The following PTGR2 variants were observed in gnomAD, a reference collection of about 807,000 sequenced individuals.
The protein encoded by PTGR2 is prostaglandin reductase 2, also known as 15-oxoprostaglandin 13-reductase.
PTGR2 carries 32 observed loss-of-function variants against 43.4 expected under a neutral mutation model. The observed-to-expected ratio is 0.74, with a 90% confidence interval of 0.56 to 0.99. The LOEUF (loss-of-function observed/expected upper bound fraction) is 0.99, where lower values mean the gene tolerates loss of function less well. Ranked by LOEUF, PTGR2 falls within the 50% of genes least tolerant of loss-of-function variation. The pLI, the probability that PTGR2 is intolerant of heterozygous loss-of-function variation, is 0.00. For synonymous variants in PTGR2, 106 were observed against 139.2 expected (o/e 0.76, Z 1.68); for missense variants, 373 against 420.0 (o/e 0.89, Z 0.98).
chr14:73,882,775 C>G (rs2055021630), intron 9 of PTGR2, among the ~76,000 whole-genome samples: 1 of 129,838 alleles, frequency 7.7e-6, no homozygotes, highest in Non-Finnish European at 1.6e-5. Flanking sequence ...GCTGGGATTA[C>G]AAGCGTGAGC....
chr14:73,853,528 G>C (rs1476991439), intron 1 of PTGR2, among the ~76,000 whole-genome samples: 5 of 152,004 alleles, frequency 3.3e-5, no homozygotes, highest in African/African-American at 7.2e-5. Flanking sequence ...TCGCCGTTTT[G>C]TCGGAGCTGG....
At chr14:73,854,135 T>C (rs36020663) in intron 1 of PTGR2, among the ~76,000 whole-genome samples, 17,193 of 152,156 alleles carry the variant, frequency 0.11, 1,277 homozygotes, top group Admixed American at 0.19. Context: ...AAAGTTTCGC[T>C]CTTGTCCCCC....
intron 4 of PTGR2, among the ~76,000 whole-genome samples, chr14:73,875,437 C>T (rs970492207): frequency 2.0e-4 from 30 of 152,132 alleles, no homozygotes; most frequent in Non-Finnish European, 1.2e-4. Flanking sequence ...CCTCTGCCAC[C>T]TGGGTTCAAG....
chr14:73,874,840 G>A (rs2054819205), intron 4 of PTGR2, among the ~76,000 whole-genome samples: 1 of 152,148 alleles, frequency 6.6e-6, no homozygotes, highest in Non-Finnish European at 1.5e-5. Context: ...GCTGCCAAAA[G>A]AATAGGTAAT....
At chr14:73,877,570 T>G (rs920876588) in intron 5 of PTGR2, 2 of 153,792 alleles carry the variant, frequency 1.3e-5, no homozygotes, top group African/African-American at 4.8e-5. Flanking sequence ...CAGCCAAAAT[T>G]GACTAAATTT....
chr14:73,872,500 T>C (rs2054759893), intron 3 of PTGR2, among the ~76,000 whole-genome samples: 1 of 152,238 alleles, frequency 6.6e-6, no homozygotes. Flanking sequence ...TATTTTTTGC[T>C]GGTATAACGT....
chr14:73,871,341 C>CTTTTTTTTTTTTTTTTTTTTTTT (rs869073652), intron 3 of PTGR2, among the ~76,000 whole-genome samples: 24 of 67,858 alleles, frequency 3.5e-4, no homozygotes, highest in African/African-American at 5.4e-4. Context: ...GGCTGTTCAT[C>CTTTTTTTTTTTTTTTTTTTTTTT]TTTTTTTTTT....
intron 5 of PTGR2, 133 bp from the exon 6 acceptor site, chr14:73,878,963 C>A: frequency 1.5e-6 from 1 of 684,740 alleles, no homozygotes; most frequent in Non-Finnish European, 2.4e-6. Context: ...AATTACTTTT[C>A]ATTAAAAGCA....
intron 1 of PTGR2, among the ~76,000 whole-genome samples, chr14:73,852,542 C>G (rs554025628): frequency 6.6e-6 from 1 of 152,286 alleles, no homozygotes; most frequent in South Asian, 2.1e-4. Flanking sequence ...TGAGCCATCG[C>G]GCCCGGCCTG....
rs747345892 is a variant in PTGR2 at position 73,878,887 on chromosome 14, C to T, written c.520-209C>T. 8.7e-4 allele frequency: 466 copies of T among 535,578 alleles called. 3 individuals are homozygous for T. Among genetic ancestry groups the T allele is most frequent in the Middle Eastern group, 3.5e-3 (7 of 2,004 alleles). The allele number at this position is 535,578 out of a possible 1,614,324, so 33.2% of individuals were successfully genotyped here. A position where few individuals can be genotyped will look rare whatever the true frequency, so the allele number is the denominator to read the frequency against. On this transcript the variant is annotated intron_variant, in intron 5 of 9. Transcript: ENST00000555661. ...TCATAAGTTGAGGAACATAAGTCTA[C>T]CTTTGTTCAATTTTAATAATTTTTT...
chr14:73,853,947 A>G (rs2054286948), intron 1 of PTGR2, among the ~76,000 whole-genome samples: 2 of 152,172 alleles, frequency 1.3e-5, no homozygotes, highest in Non-Finnish European at 2.9e-5. Flanking sequence ...AAGTAGGAAT[A>G]GTATCCCAGG....
intron 9 of PTGR2, among the ~76,000 whole-genome samples, chr14:73,883,188 CTT>C (rs58234739): frequency 0.035 from 1,993 of 57,270 alleles, 20 homozygotes; most frequent in Admixed American, 0.045. Context: ...CCTCACCTCC[CTT>C]TTTTTTTTTT....
At chr14:73,879,340 T>C in intron 6 of PTGR2, 35 bp downstream of exon 6, 1 of 1,568,614 alleles carries the variant, frequency 6.4e-7, no homozygotes, top group East Asian at 2.2e-5. Context: ...ATTTGAATAC[T>C]GCACTTTATA....
At chr14:73,855,479 C>T (rs1356648022) in intron 1 of PTGR2, among the ~76,000 whole-genome samples, 2 of 152,154 alleles carry the variant, frequency 1.3e-5, no homozygotes, top group East Asian at 2.0e-4. Flanking sequence ...CAGGGTCTCA[C>T]TCTGTCACCC....
rs1440907933 is a variant in PTGR2, at chr14:73,877,091, G to A, written c.442G>A (p.Gly148Ser). The part of the protein sequence containing the change: ...LTSLIGIQEK[G>S]HITAGSNKTM... Reference sequence around the variant, plus strand: ...TTCCTTGATTGGGATACAGGAAAAAGGTCATATAACTGCTGGATCTAATAA... The same window carrying A: ...TTCCTTGATTGGGATACAGGAAAAAAGTCATATAACTGCTGGATCTAATAA... Residue 148 changes from glycine to serine, a missense_variant, in exon 5 of 10, where the codon GGT becomes AGT. By Grantham distance (56) the Gly-to-Ser change is moderately conservative. Transcript: ENST00000555661. 1.2e-6 allele frequency: 2 copies of A among 1,613,994 alleles called. No individual in the cohort carries two copies. Among genetic ancestry groups the A allele is most frequent in the Admixed American group, 3.3e-5 (2 of 60,012 alleles).
chr14:73,883,935 G>A (rs72627115), intron 9 of PTGR2, among the ~76,000 whole-genome samples, 166 bp from the exon 10 acceptor site: 10,300 of 152,174 alleles, frequency 0.068, 870 homozygotes, highest in East Asian at 0.44. Context: ...GTTAGTTTGT[G>A]TGTAACTTTT....
At chr14:73,872,149 C>A (rs1016797165) in intron 3 of PTGR2, among the ~76,000 whole-genome samples, 2 of 152,132 alleles carry the variant, frequency 1.3e-5, no homozygotes, top group Non-Finnish European at 2.9e-5. Context: ...TTGACTGCTA[C>A]CAAGAGAAGT....
Position 73,879,229 on chromosome 14 carries a change from G to GT in PTGR2, c.654dup (p.Glu219Ter), listed in dbSNP as rs1566642187. On this transcript the variant is annotated frameshift_variant, in exon 6 of 10. Transcript: ENST00000555661. LOFTEE classifies it high-confidence loss of function. ...AAAGACAATGTGGCAGAACAGCTCCGTGAATCATGCCCAGCTGGAGTGGAT... is the reference window on the plus strand; with the variant it reads ...AAAGACAATGTGGCAGAACAGCTCCGTTGAATCATGCCCAGCTGGAGTGGAT... 1 of 1,613,974 alleles carries GT rather than the reference G, an allele frequency of 6.2e-7. No individual in the cohort carries two copies. Among genetic ancestry groups the GT allele is most frequent in the African/African-American group, 1.3e-5 (1 of 74,908 alleles).
In PTGR2 at chr14:73,881,245, C is replaced by A; in HGVS notation, c.892C>A (p.Pro298Thr). 6.2e-7 allele frequency: 1 copy of A among 1,610,192 alleles called. No homozygotes were observed. The highest frequency in any genetic ancestry group is 8.5e-7 in the Non-Finnish European group (1 of 1,176,748). ...ATTAAATTATAAAGACAAATTTGAG[C>A]CTGGCATTCTACAGCTGAGTCAGTG... ...LVLNYKDKFE[P>T]GILQLSQWFK... Residue 298 changes from proline (P) to threonine (T), a missense_variant, in exon 8 of 10, where the codon CCT (proline) becomes ACT (threonine). By Grantham distance (38) the Pro-to-Thr change is conservative. Transcript: ENST00000555661.
Sources: gnomAD v4.1 joint callset for allele counts (sites outside exome capture counted in the v4.1 genomes callset) on GRCh38, gnomAD v4.1.1 for gene constraint, MANE v1.5 for transcripts, NCBI Gene and HGNC (gene_info 2026-07-23, HGNC 2026-07-21) for gene names.